RABGEF1: variants seen among roughly 807,000 people sequenced by gnomAD.
RABGEF1 encodes RAB guanine nucleotide exchange factor 1.
RABGEF1 carries 26 observed loss-of-function variants against 57.3 expected under a neutral mutation model. The observed-to-expected ratio is 0.45, with a 90% CI of 0.33 to 0.63. The LOEUF (loss-of-function observed/expected upper bound fraction) is 0.63. RABGEF1 is among the 20% of genes least tolerant of loss of function. The pLI, the probability that RABGEF1 is intolerant of heterozygous loss-of-function variation, is 0.02. For missense variants in RABGEF1, 464 were observed against 607.6 expected, an observed-to-expected ratio of 0.76 and a Z score of 2.48; for synonymous variants, 185 against 210.7, an observed-to-expected ratio of 0.88 and a Z score of 1.06.
intron 3 of RABGEF1, among the ~76,000 whole-genome samples, chr7:66,778,259 T>G (rs1233432819): frequency 2.0e-5 from 3 of 150,184 alleles, no homozygotes; most frequent in Non-Finnish European, 4.4e-5. Context: ...AGGAAAGTTT[T>G]TATGCCATAC....
chr7:66,668,355 C>T, the RABGEF1 span, among the ~76,000 whole-genome samples: 89 of 152,272 alleles, frequency 5.8e-4, no homozygotes, highest in African/African-American at 2.0e-3. Flanking sequence ...CCTCAGCCTC[C>T]GAAAGCGTTG....
chr7:66,662,161 C>T, the RABGEF1 span, among the ~76,000 whole-genome samples: 71 of 152,056 alleles, frequency 4.7e-4, no homozygotes, highest in South Asian at 0.014. Flanking sequence ...ATGGCATGAA[C>T]CCGGGAGGGG....
chr7:66,702,746 A>G (rs1391098598), intron 1 of RABGEF1, among the ~76,000 whole-genome samples: 5 of 151,934 alleles, frequency 3.3e-5, no homozygotes, highest in Non-Finnish European at 7.4e-5. Flanking sequence ...ACAGATTTTC[A>G]TGTGCTTTTT....
intron 2 of RABGEF1, among the ~76,000 whole-genome samples, chr7:66,713,734 A>C (rs1216945947): frequency 6.6e-6 from 1 of 152,182 alleles, no homozygotes. Flanking sequence ...TGGATGTTGA[A>C]TCTTCTCAAA....
intron 7 of RABGEF1, among the ~76,000 whole-genome samples, chr7:66,801,919 G>T (rs12698546): frequency 0.27 from 41,177 of 151,740 alleles, 5,952 homozygotes; most frequent in East Asian, 0.42. Context: ...TAGTTAGTTA[G>T]TTATTTTTGA....
At chr7:66,715,439 C>T (rs756329564) in intron 2 of RABGEF1, among the ~76,000 whole-genome samples, 6 of 152,190 alleles carry the variant, frequency 3.9e-5, no homozygotes, top group African/African-American at 9.7e-5. Flanking sequence ...CTCTTCTTTT[C>T]TAATATAATC....
At chr7:66,678,332 G>A (rs1490021942), upstream of RABGEF1, among the ~76,000 whole-genome samples, 2 of 152,032 alleles carry the variant, frequency 1.3e-5, no homozygotes, top group Admixed American at 6.6e-5. Flanking sequence ...TTGGGAGGCC[G>A]AGGTGGGCGG....
Position 66,771,804 on chromosome 7 carries a change from C to T in RABGEF1, c.-17-79C>T, listed in dbSNP as rs190185177. ...ACAGCTTGAAGATAATGGAATCACT[C>T]ACTTTTTGTTCATAATTGGTAAGAT... On this transcript the variant is annotated intron_variant, in intron 1 of 8. Coordinates refer to ENST00000284957, the MANE Select transcript of RABGEF1 (RefSeq NM_014504.3). 3.9e-4 allele frequency: 415 copies of T among 1,060,270 alleles called. No individual in the cohort carries two copies. In the African/African-American group the frequency reaches 6.2e-3, roughly 16 times the overall value. 65.7% of individuals were successfully genotyped at this position (1,060,270 alleles called of 1,614,324 possible).
chr7:66,675,004 C>A, the RABGEF1 span, among the ~76,000 whole-genome samples: 1 of 151,906 alleles, frequency 6.6e-6, no homozygotes. Flanking sequence ...ATTACACTTA[C>A]ATATACCTAA....
At chr7:66,709,198 G>A (rs567593266) in intron 1 of RABGEF1, among the ~76,000 whole-genome samples, 2 of 152,056 alleles carry the variant, frequency 1.3e-5, no homozygotes, top group Admixed American at 1.3e-4. Flanking sequence ...TAGTAGAAAT[G>A]GAGTTTCACC....
intron 1 of RABGEF1, among the ~76,000 whole-genome samples, chr7:66,761,109 C>T (rs1369149744): frequency 6.6e-6 from 1 of 152,158 alleles, no homozygotes; most frequent in African/African-American, 2.4e-5. Flanking sequence ...TGTGTTTTTC[C>T]TCTGCTCACG....
At chr7:66,660,784 T>C in the RABGEF1 span, among the ~76,000 whole-genome samples, 2 of 152,244 alleles carry the variant, frequency 1.3e-5, no homozygotes, top group African/African-American at 2.4e-5. Flanking sequence ...CTTTGCAAAC[T>C]CTTTCAAAAA....
At position 66,809,402 on chromosome 7, in the gene RABGEF1, G is replaced by A; in HGVS notation, c.*118G>A. 2 of 1,187,074 alleles carry A rather than the reference G, an allele frequency of 1.7e-6. No homozygotes were observed. The highest frequency in any genetic ancestry group is 2.3e-6 in the Non-Finnish European group (2 of 857,124). 73.5% of individuals were successfully genotyped at this position (1,187,074 alleles called of 1,614,324 possible). On this transcript the variant is annotated 3_prime_UTR_variant, in exon 9 of 9. Transcript: ENST00000284957. ...CTTATAAATGTCAGCATTTTTTAAAGGTACAGTATATGGGGATTGTTTCGT... is the reference window on the plus strand; with the variant it reads ...CTTATAAATGTCAGCATTTTTTAAAAGTACAGTATATGGGGATTGTTTCGT...
intron 2 of RABGEF1, among the ~76,000 whole-genome samples, chr7:66,772,624 A>G (rs1303443247): frequency 1.3e-5 from 2 of 152,054 alleles, no homozygotes; most frequent in African/African-American, 4.8e-5. Flanking sequence ...AAATTAAACG[A>G]TGGGCCGGGC....
At chr7:66,725,608 G>A (rs1418683749) in intron 2 of RABGEF1, among the ~76,000 whole-genome samples, 1 of 152,282 alleles carries the variant, frequency 6.6e-6, no homozygotes, top group South Asian at 2.1e-4. Context: ...TGCTGTTTTT[G>A]TTCCATCCAT....
intron 5 of RABGEF1, chr7:66,796,914 A>G (rs780101668): frequency 6.7e-6 from 3 of 445,948 alleles, no homozygotes; most frequent in Non-Finnish European, 1.3e-5. Context: ...TTTTAAGCGT[A>G]TTTTTAAATA....
chr7:66,663,323 G>A, the RABGEF1 span, among the ~76,000 whole-genome samples: 5,588 of 152,210 alleles, frequency 0.037, 162 homozygotes, highest in East Asian at 0.088. Flanking sequence ...CCCACTTCAC[G>A]CCTCTATATT....
chr7:66,810,544 T>C lies in RABGEF1; in HGVS notation c.*1260T>C, dbSNP rs1214714764. ...AAAGAATCTTGCACTCAATGCACAG[T>C]GTGATGTTAACTAAAACGAGTTAAA... is the stretch of plus-strand genomic sequence containing the variant. On this transcript the variant is annotated 3_prime_UTR_variant, in exon 9 of 9. Coordinates refer to ENST00000284957, the MANE Select transcript of RABGEF1 (RefSeq NM_014504.3). 1 of 152,206 alleles carries C rather than the reference T, an allele frequency of 6.6e-6. No homozygotes were observed. The highest frequency in any genetic ancestry group is 1.5e-5 in the Non-Finnish European group (1 of 68,024). 9.4% of individuals were successfully genotyped at this position (152,206 alleles called of 1,614,324 possible).
At chr7:66,747,752 A>AAC (rs1800577263) in intron 1 of RABGEF1, among the ~76,000 whole-genome samples, 1 of 152,204 alleles carries the variant, frequency 6.6e-6, no homozygotes, top group African/African-American at 2.4e-5. Context: ...TTAGAAATTG[A>AAC]ACATAGAAAA....
Sources: allele counts gnomAD v4.1 joint callset (sites outside exome capture counted in the v4.1 genomes callset), GRCh38; gene constraint gnomAD v4.1.1; transcripts MANE v1.5; gene names NCBI Gene and HGNC (gene_info 2026-07-23, HGNC 2026-07-21).